AP1AR: variants seen among roughly 807,000 people sequenced by gnomAD.
AP1AR encodes AP-1 complex-associated regulatory protein.
In AP1AR, 29 loss-of-function variants were observed where a neutral mutation model predicts 46.3. The observed-to-expected ratio is 0.63, with a 90% CI of 0.47 to 0.85. AP1AR has a LOEUF of 0.85. Among genes scored for constraint, AP1AR ranks in the 40% least tolerant of loss-of-function variants. AP1AR has a pLI of 0.00. For missense variants in AP1AR, 357 were observed against 356.3 expected (o/e 1.00, Z -0.02); for synonymous variants, 122 against 122.9 (o/e 0.99, Z 0.05).
intron 1 of AP1AR, among the ~76,000 whole-genome samples, chr4:112,247,493 T>A (rs1400619916): frequency 6.6e-6 from 1 of 152,222 alleles, no homozygotes; most frequent in East Asian, 1.9e-4. Flanking sequence ...CCTGCTTCTT[T>A]CCCAGGCTTC....
intron 1 of AP1AR, among the ~76,000 whole-genome samples, chr4:112,239,092 C>A (rs1378011802): frequency 6.6e-6 from 1 of 152,132 alleles, no homozygotes; most frequent in East Asian, 1.9e-4. Flanking sequence ...ATCCTCTCTG[C>A]CTTAAAACAG....
chr4:112,243,273 A>G (rs1725586243), intron 1 of AP1AR, among the ~76,000 whole-genome samples: 1 of 151,990 alleles, frequency 6.6e-6, no homozygotes. Context: ...TATGTCTTGG[A>G]TTTACCGCAT....
At chr4:112,245,294 T>A (rs931100451) in intron 1 of AP1AR, among the ~76,000 whole-genome samples, 1 of 152,188 alleles carries the variant, frequency 6.6e-6, no homozygotes, top group Admixed American at 6.5e-5. Flanking sequence ...CAGTGTTATA[T>A]ATAAAATTAG....
intron 2 of AP1AR, 62 bp downstream of exon 2, chr4:112,253,318 G>A: frequency 2.4e-6 from 3 of 1,272,214 alleles, no homozygotes; most frequent in African/African-American, 1.5e-5. Context: ...GGGGCTTTTT[G>A]TTGTAAAGAG....
intron 3 of AP1AR, 110 bp from the exon 4 acceptor site, chr4:112,257,661 TA>T (rs1198150137): frequency 1.4e-5 from 11 of 776,826 alleles, no homozygotes; most frequent in Admixed American, 6.6e-5. Context: ...TTTACTCTGA[TA>T]AAAAATGGGT....
chr4:112,241,174 A>G (rs1464545898), intron 1 of AP1AR, among the ~76,000 whole-genome samples: 1 of 152,214 alleles, frequency 6.6e-6, no homozygotes, highest in Non-Finnish European at 1.5e-5. Context: ...GTTTTTGAAC[A>G]TATTCTTCGT....
intron 1 of AP1AR, among the ~76,000 whole-genome samples, chr4:112,245,480 A>G (rs1035783054): frequency 6.6e-6 from 1 of 152,138 alleles, no homozygotes; most frequent in African/African-American, 2.4e-5. Context: ...TGGAGTTTAG[A>G]TACTTTACGT....
rs1726997222 is a variant in AP1AR at position 112,272,557 on chromosome 4, G to A, written c.*4148G>A. Among the ~76,000 whole-genome samples, 1 of 152,156 alleles carries A rather than the reference G, an allele frequency of 6.6e-6. No homozygotes were observed. The highest frequency in any genetic ancestry group is 2.1e-4 in the South Asian group (1 of 4,826). ...ATACTGGCAAACCACTGCACATACAGGGAGGGAAGAGATGGGGAAAAAAAT... is the reference window on the plus strand; with the variant it reads ...ATACTGGCAAACCACTGCACATACAAGGAGGGAAGAGATGGGGAAAAAAAT... On this transcript the variant is annotated 3_prime_UTR_variant, in exon 10 of 10. Coordinates refer to ENST00000274000, the MANE Select transcript of AP1AR (RefSeq NM_018569.6).
chr4:112,265,845 A>G, intron 8 of AP1AR, 38 bp downstream of exon 8: 2 of 1,308,248 alleles, frequency 1.5e-6, no homozygotes, highest in East Asian at 2.3e-5. Flanking sequence ...TTTTTATGCC[A>G]CAGTAAACAG....
intron 1 of AP1AR, among the ~76,000 whole-genome samples, chr4:112,241,117 G>C (rs1273713560): frequency 6.6e-6 from 1 of 152,170 alleles, no homozygotes; most frequent in Non-Finnish European, 1.5e-5. Flanking sequence ...TCTTTGACAT[G>C]TTTGGAGGGA....
rs919538566 is a variant in AP1AR, at chr4:112,272,057, C to T, written c.*3648C>T. Among the ~76,000 whole-genome samples the T allele has an allele frequency of 6.6e-6, 1 of 152,038 alleles. No individual in the cohort carries two copies. Among genetic ancestry groups the T allele is most frequent in the Non-Finnish European group, 1.5e-5 (1 of 68,020 alleles). ...GAAAAGAGGTCCGCTGCTTTAGTTGCATTTGGAGACAGTTACACAAATGAA... is the reference window on the plus strand; with the variant it reads ...GAAAAGAGGTCCGCTGCTTTAGTTGTATTTGGAGACAGTTACACAAATGAA... On this transcript the variant is annotated 3_prime_UTR_variant, in exon 10 of 10. Transcript: ENST00000274000.
chr4:112,267,407 AT>A (rs2110495739), intron 9 of AP1AR, among the ~76,000 whole-genome samples: 1 of 151,912 alleles, frequency 6.6e-6, no homozygotes, highest in Non-Finnish European at 1.5e-5. Context: ...TCCTTTCAAG[AT>A]TATTGACACT....
At chr4:112,261,224 A>C (rs1726427589) in intron 5 of AP1AR, among the ~76,000 whole-genome samples, 2 of 152,204 alleles carry the variant, frequency 1.3e-5, no homozygotes, top group South Asian at 4.1e-4. Context: ...CTTGAGCCCA[A>C]GAGGTTGAGA....
chr4:112,252,195 C>T (rs562470029), intron 1 of AP1AR, among the ~76,000 whole-genome samples: 22 of 152,244 alleles, frequency 1.4e-4, no homozygotes, highest in African/African-American at 4.3e-4. Context: ...GTCAGGATTG[C>T]GCCACTGCAC....
chr4:112,235,914 A>G (rs977286295), intron 1 of AP1AR, among the ~76,000 whole-genome samples: 6 of 151,696 alleles, frequency 4.0e-5, no homozygotes, highest in Admixed American at 2.6e-4. Flanking sequence ...CCACAATATC[A>G]CCTTTATCTT....
intron 1 of AP1AR, among the ~76,000 whole-genome samples, chr4:112,240,942 A>G (rs1418592930): frequency 6.6e-6 from 1 of 152,236 alleles, no homozygotes; most frequent in Non-Finnish European, 1.5e-5. Context: ...AAGTGGCAAC[A>G]GTTTCCAAAA....
chr4:112,254,803 G>A, intron 3 of AP1AR, 30 bp downstream of exon 3: 1 of 1,266,102 alleles, frequency 7.9e-7, no homozygotes, highest in Non-Finnish European at 1.1e-6. Context: ...TACAAAACTT[G>A]TATTTGTTTT....
At chr4:112,236,831 T>A (rs149323603) in intron 1 of AP1AR, among the ~76,000 whole-genome samples, 88 of 152,292 alleles carry the variant, frequency 5.8e-4, no homozygotes, top group African/African-American at 2.1e-3. Flanking sequence ...ATAATCTCTT[T>A]GTCAAAAAAT....
intron 1 of AP1AR, among the ~76,000 whole-genome samples, chr4:112,243,763 A>G (rs187393041): frequency 1.5e-4 from 23 of 152,254 alleles, no homozygotes; most frequent in Non-Finnish European, 1.5e-5. Flanking sequence ...AAGGAGATAA[A>G]TGTCTCTTTG....
Sources: allele counts gnomAD v4.1 joint callset (sites outside exome capture counted in the v4.1 genomes callset), GRCh38; gene constraint gnomAD v4.1.1; transcripts MANE v1.5; gene names NCBI Gene and HGNC (gene_info 2026-07-23, HGNC 2026-07-21).